The following ANO10 variants were observed in gnomAD, a reference collection of about 807,000 sequenced individuals.
The protein encoded by ANO10 is anoctamin 10.
A neutral mutation model predicts 74.7 loss-of-function variants in ANO10; 77 were observed. The observed-to-expected ratio is 1.03, with a 90% confidence interval of 0.86 to 1.25. ANO10 has a LOEUF of 1.25. ANO10 is among the 50% of genes most tolerant of loss of function. The pLI is 0.00. For synonymous variants in ANO10, 279 were observed against 284.9 expected (o/e 0.98, Z 0.21); for missense variants, 721 against 778.1 (o/e 0.93, Z 0.87).
intron 4 of ANO10, among the ~76,000 whole-genome samples, chr3:43,593,079 G>C (rs979721790): frequency 1.3e-5 from 2 of 152,114 alleles, no homozygotes; most frequent in African/African-American, 4.8e-5. Context: ...AAAAAGAAAA[G>C]AACAAATCCT....
chr3:43,627,720 T>C (rs993519237), intron 1 of ANO10, among the ~76,000 whole-genome samples: 1 of 152,228 alleles, frequency 6.6e-6, no homozygotes, highest in African/African-American at 2.4e-5. Flanking sequence ...TCGTTTCTTA[T>C]AGAGTTTATT....
At chr3:43,509,363 T>TA (rs539086144) in intron 11 of ANO10, among the ~76,000 whole-genome samples, 79 of 151,048 alleles carry the variant, frequency 5.2e-4, no homozygotes, top group Non-Finnish European at 9.6e-4. Flanking sequence ...AACTTAAATT[T>TA]AAAAAAAAAG....
intron 1 of ANO10, among the ~76,000 whole-genome samples, chr3:43,675,138 C>T (rs1402759651): frequency 1.3e-5 from 2 of 152,068 alleles, no homozygotes; most frequent in Non-Finnish European, 2.9e-5. Flanking sequence ...TATTGTTTTT[C>T]CAATATATGG....
chr3:43,452,872 A>G (rs2149000413), intron 11 of ANO10, among the ~76,000 whole-genome samples: 1 of 152,286 alleles, frequency 6.6e-6, no homozygotes, highest in Non-Finnish European at 1.5e-5. Context: ...GTTTATATCT[A>G]TGCTAATGAG....
At chr3:43,658,337 C>T (rs1370625218) in intron 1 of ANO10, among the ~76,000 whole-genome samples, 2 of 152,096 alleles carry the variant, frequency 1.3e-5, no homozygotes, top group African/African-American at 2.4e-5. Flanking sequence ...TAGCATGGTT[C>T]AGTACATTGT....
intron 1 of ANO10, among the ~76,000 whole-genome samples, chr3:43,618,875 C>A (rs966041265): frequency 1.3e-5 from 2 of 152,052 alleles, no homozygotes; most frequent in African/African-American, 2.4e-5. Flanking sequence ...AATCTCTGCT[C>A]ACTGCAAGCT....
In ANO10 at chr3:43,561,265, T is replaced by C. The variant is rs1247403811; in HGVS notation, c.1431A>G (p.Thr477=). Residue 477 remains threonine (T), a synonymous_variant, in exon 9 of 13, where the codon ACA becomes ACG. Coordinates refer to ENST00000292246, the MANE Select transcript of ANO10 (RefSeq NM_018075.5). ...TTTCCAGGATGACTTGTTCATATAATGTAGCATCAATGTCTGCCTTTAAAG... is the reference window on the plus strand; with the variant it reads ...TTTCCAGGATGACTTGTTCATATAACGTAGCATCAATGTCTGCCTTTAAAG... ...VQALKADIDA[T]LYEQVILEKE... The C allele has an allele frequency of 8.7e-6, 14 of 1,614,102 alleles. No homozygotes were observed. The highest frequency in any genetic ancestry group is 1.2e-5 in the Non-Finnish European group (14 of 1,180,036).
chr3:43,532,272 T>C (rs186372833), intron 11 of ANO10, among the ~76,000 whole-genome samples: 55 of 152,334 alleles, frequency 3.6e-4, no homozygotes, highest in Middle Eastern at 3.4e-3. Flanking sequence ...CTTCTCACGT[T>C]TAATGGCTTA....
At chr3:43,513,115 G>A (rs1030531780) in intron 11 of ANO10, among the ~76,000 whole-genome samples, 3 of 152,186 alleles carry the variant, frequency 2.0e-5, no homozygotes, top group African/African-American at 4.8e-5. Context: ...ACCAGCACAC[G>A]TATGTGAGGA....
At chr3:43,583,226 G>T (rs1016366368) in intron 4 of ANO10, among the ~76,000 whole-genome samples, 7 of 151,590 alleles carry the variant, frequency 4.6e-5, no homozygotes, top group African/African-American at 1.5e-4. Flanking sequence ...AAAAATAGAA[G>T]TTTGCTTTTT....
chr3:43,589,055 T>C (rs576162075), intron 4 of ANO10, among the ~76,000 whole-genome samples: 15 of 152,240 alleles, frequency 9.9e-5, no homozygotes, highest in African/African-American at 1.4e-4. Context: ...TAAGTACTCA[T>C]GTCATATGAA....
intron 11 of ANO10, among the ~76,000 whole-genome samples, chr3:43,488,378 A>G (rs1385145875): frequency 6.7e-6 from 1 of 149,934 alleles, no homozygotes; most frequent in Admixed American, 6.6e-5. Flanking sequence ...CAGAGTGAAC[A>G]GGCAACCTAC....
intron 11 of ANO10, among the ~76,000 whole-genome samples, chr3:43,523,574 G>A (rs1358308626): frequency 6.6e-6 from 1 of 152,172 alleles, no homozygotes; most frequent in African/African-American, 2.4e-5. Flanking sequence ...GAAGAAATGG[G>A]TTAGATGAAA....
intron 1 of ANO10, among the ~76,000 whole-genome samples, chr3:43,650,566 G>C (rs184290589): frequency 6.6e-6 from 1 of 152,204 alleles, no homozygotes; most frequent in Admixed American, 6.5e-5. Flanking sequence ...TTTTGCATAA[G>C]TTAGAAAAAA....
rs375670474 is a variant in ANO10 at position 43,515,401 on chromosome 3, T to G, written c.1797+34319A>C. 1.1e-4 allele frequency among the ~76,000 whole-genome samples: 16 copies of G among 152,350 alleles called. 1 individual carries two copies. Among genetic ancestry groups the G allele is most frequent in the East Asian group, 7.7e-4 (4 of 5,188 alleles). ...GCCTTTGGGTAGCCCAGCACTCACA[T>G]CATGGGCTCTCCTGGTTCTTGGGTC... On this transcript the variant is annotated intron_variant, in intron 11 of 12. Coordinates refer to ENST00000292246, the MANE Select transcript of ANO10 (RefSeq NM_018075.5).
chr3:43,673,787 G>A lies in ANO10; in HGVS notation c.-12+17730C>T, dbSNP rs549684351. 2.6e-5 allele frequency among the ~76,000 whole-genome samples: 4 copies of A among 152,090 alleles called. 1 individual carries two copies. The highest frequency in any genetic ancestry group is 7.2e-5 in the African/African-American group (3 of 41,450). ...ATTAAAATTCTCTCCCCAAATCATC[G>A]CGACTTTAAATTTTCTGGGGCTGGG... On this transcript the variant is annotated intron_variant, in intron 1 of 3. Transcript: ENST00000413397.
intron 11 of ANO10, among the ~76,000 whole-genome samples, chr3:43,481,927 C>CTTTTTTTTTTTTTTTTTTT (rs1161910647): frequency 1.6e-5 from 2 of 123,882 alleles, no homozygotes; most frequent in Non-Finnish European, 3.4e-5. Flanking sequence ...CTTTTTTTTT[C>CTTTTTTTTTTTTTTTTTTT]TTTTTTTTTT....
At position 43,504,343 on chromosome 3, in the gene ANO10, G is replaced by GATAA. The variant is rs1358041231; in HGVS notation, c.1797+45373_1797+45376dup. ...AGATAGATAGATAGATAGATAGATA[G>GATAA]ATAAAAATAAAGCGTTGGGGATCTA... On this transcript the variant is annotated intron_variant, in intron 11 of 12. Coordinates refer to ENST00000292246, the MANE Select transcript of ANO10 (RefSeq NM_018075.5). 1.9e-3 allele frequency among the ~76,000 whole-genome samples: 281 copies of GATAA among 149,526 alleles called. 3 individuals carry two copies. Among genetic ancestry groups the GATAA allele is most frequent in the Non-Finnish European group, 3.5e-3 (239 of 67,472 alleles).
intron 1 of ANO10, among the ~76,000 whole-genome samples, chr3:43,666,686 A>T (rs1393275021): frequency 6.6e-6 from 1 of 152,136 alleles, no homozygotes; most frequent in Non-Finnish European, 1.5e-5. Context: ...ATAGAAATTT[A>T]TTTCTCACAG....
Sources: allele counts gnomAD v4.1 joint callset (sites outside exome capture counted in the v4.1 genomes callset), GRCh38; gene constraint gnomAD v4.1.1; transcripts MANE v1.5; gene names NCBI Gene and HGNC (gene_info 2026-07-23, HGNC 2026-07-21).